The following AK5 variants were observed in gnomAD, a reference collection of about 807,000 sequenced individuals.
The protein encoded by AK5 is adenylate kinase isoenzyme 5.
A neutral mutation model predicts 69.5 loss-of-function variants in AK5; 27 were observed. That is an observed-to-expected ratio of 0.39 (90% CI 0.29 to 0.54). The LOEUF (loss-of-function observed/expected upper bound fraction) is 0.54, where lower values mean the gene tolerates loss of function less well. AK5 is among the 20% of genes least tolerant of loss of function. AK5 has a pLI of 0.71. For missense variants in AK5, 531 were observed against 700.4 expected, an observed-to-expected ratio of 0.76 and a Z score of 2.73; for synonymous variants, 260 against 244.4, an observed-to-expected ratio of 1.06 and a Z score of -0.60.
At chr1:77,303,239 C>G (rs577219475) in intron 5 of AK5, among the ~76,000 whole-genome samples, 23 of 152,132 alleles carry the variant, frequency 1.5e-4, no homozygotes, top group Non-Finnish European at 2.8e-4. Context: ...AGCAACAGCT[C>G]TAAAATTTTT....
intron 10 of AK5, among the ~76,000 whole-genome samples, chr1:77,500,831 A>T (rs1325847920): frequency 6.6e-6 from 1 of 151,860 alleles, no homozygotes; most frequent in Non-Finnish European, 1.5e-5. Flanking sequence ...TGAATTATCC[A>T]TCGTTGTGAT....
intron 5 of AK5, among the ~76,000 whole-genome samples, chr1:77,324,980 C>CTTTTTTTTTTTTTTTTTTT (rs374298984): frequency 1.4e-5 from 2 of 139,196 alleles, no homozygotes; most frequent in African/African-American, 2.7e-5. Flanking sequence ...TTACGAGCTA[C>CTTTTTTTTTTTTTTTTTTT]TTTTTTTTTT....
At chr1:77,326,741 T>C (rs1660821176) in intron 5 of AK5, among the ~76,000 whole-genome samples, 1 of 152,192 alleles carries the variant, frequency 6.6e-6, no homozygotes, top group Non-Finnish European at 1.5e-5. Context: ...GCAATATGTG[T>C]GAAAGTATAA....
chr1:77,388,390 T>TA (rs1321537572), intron 6 of AK5, among the ~76,000 whole-genome samples: 1 of 152,228 alleles, frequency 6.6e-6, no homozygotes, highest in African/African-American at 2.4e-5. Flanking sequence ...CATTCAATGT[T>TA]AAATGCTACA....
chr1:77,523,174 G>A (rs1658091738), intron 12 of AK5, among the ~76,000 whole-genome samples: 1 of 152,100 alleles, frequency 6.6e-6, no homozygotes, highest in African/African-American at 2.4e-5. Context: ...AATACTTCAA[G>A]GTCAATTGCT....
intron 8 of AK5, among the ~76,000 whole-genome samples, chr1:77,477,003 AGTGTGT>A (rs10625085): frequency 6.1e-5 from 9 of 147,092 alleles, no homozygotes; most frequent in South Asian, 2.2e-4. Context: ...TGTTCTTTTT[AGTGTGT>A]GTGTGTGTGT....
At chr1:77,366,945 CATT>C (rs1339299359) in intron 6 of AK5, among the ~76,000 whole-genome samples, 3 of 152,044 alleles carry the variant, frequency 2.0e-5, no homozygotes, top group Admixed American at 6.6e-5. Context: ...CTTCACCCAT[CATT>C]GTTAAATGTC....
At chr1:77,282,816 GA>G in intron 1 of AK5, 1 of 991,340 alleles carries the variant, frequency 1.0e-6, no homozygotes, top group African/African-American at 1.7e-5. Context: ...ACCCCTGGGG[GA>G]AAGAGGAAAT....
chr1:77,324,731 A>AGTAGGGTTG (rs1229652411), intron 5 of AK5, among the ~76,000 whole-genome samples: 3 of 151,570 alleles, frequency 2.0e-5, no homozygotes, highest in Non-Finnish European at 4.4e-5. Context: ...TCCTCCTGGA[A>AGTAGGGTTG]GTAGGGTTGT....
At chr1:77,422,442 A>G (rs1200518052) in intron 8 of AK5, among the ~76,000 whole-genome samples, 1 of 151,970 alleles carries the variant, frequency 6.6e-6, no homozygotes, top group Non-Finnish European at 1.5e-5. Context: ...TGACCCCTAC[A>G]TTTTTCTCCA....
At chr1:77,443,690 T>C (rs1040866751) in intron 8 of AK5, among the ~76,000 whole-genome samples, 24 of 150,516 alleles carry the variant, frequency 1.6e-4, no homozygotes, top group African/African-American at 5.6e-4. Flanking sequence ...TGTGTGTGTG[T>C]GTGTGTGTGT....
intron 6 of AK5, among the ~76,000 whole-genome samples, chr1:77,360,825 A>G (rs1184562812): frequency 1.3e-5 from 2 of 152,172 alleles, no homozygotes; most frequent in East Asian, 1.9e-4. Context: ...ACTTCAACGA[A>G]TATGTGTTAT....
At chr1:77,444,336 T>TATATAGTATAA (rs1652568502) in intron 8 of AK5, among the ~76,000 whole-genome samples, 1 of 50,254 alleles carries the variant, frequency 2.0e-5, no homozygotes, top group African/African-American at 7.5e-5. Flanking sequence ...ATATATAGTA[T>TATATAGTATAA]ATATACACAA....
At chr1:77,372,551 C>T (rs916586631) in intron 6 of AK5, among the ~76,000 whole-genome samples, 2 of 152,110 alleles carry the variant, frequency 1.3e-5, no homozygotes, top group African/African-American at 4.8e-5. Flanking sequence ...ATTTAACTTA[C>T]AGTGTCAAAA....
At chr1:77,451,194 A>G (rs1352137994) in intron 8 of AK5, among the ~76,000 whole-genome samples, 1 of 152,302 alleles carries the variant, frequency 6.6e-6, no homozygotes, top group East Asian at 1.9e-4. Context: ...TAAATACATA[A>G]AGACATAAAA....
intron 5 of AK5, among the ~76,000 whole-genome samples, chr1:77,337,244 TGTA>T (rs888280050): frequency 4.6e-5 from 7 of 152,338 alleles, no homozygotes; most frequent in Non-Finnish European, 1.0e-4. Flanking sequence ...TTGTAATTGT[TGTA>T]GTAATCCCAC....
chr1:77,397,536 A>G (rs1326686416), intron 6 of AK5, among the ~76,000 whole-genome samples: 2 of 152,150 alleles, frequency 1.3e-5, no homozygotes, highest in African/African-American at 4.8e-5. Flanking sequence ...CACTAATCCA[A>G]TTAAATTTTT....
chr1:77,557,076 T>C (rs1660143243), intron 13 of AK5, among the ~76,000 whole-genome samples: 1 of 152,010 alleles, frequency 6.6e-6, no homozygotes, highest in Middle Eastern at 3.4e-3. Context: ...CCCCCACATA[T>C]ACACCCTTAA....
chr1:77,431,754 A>G (rs1239788933), intron 8 of AK5, among the ~76,000 whole-genome samples: 1 of 152,180 alleles, frequency 6.6e-6, no homozygotes, highest in Non-Finnish European at 1.5e-5. Flanking sequence ...AGAAATGGGC[A>G]TTGCAATAGG....
Sources: allele counts gnomAD v4.1 joint callset (sites outside exome capture counted in the v4.1 genomes callset), GRCh38; gene constraint gnomAD v4.1.1; transcripts MANE v1.5; gene names NCBI Gene and HGNC (gene_info 2026-07-23, HGNC 2026-07-21).